Variants in VASH2 observed in about 807,000 individuals in gnomAD.
VASH2 encodes vasohibin 2.
In VASH2, 28 loss-of-function variants were observed where a neutral mutation model predicts 37.2. That is an observed-to-expected ratio of 0.75 (90% CI 0.56 to 1.03). The LOEUF (loss-of-function observed/expected upper bound fraction) is 1.03. VASH2 is among the 50% of genes least tolerant of loss of function. VASH2 has a pLI of 0.00. For synonymous variants in VASH2, 188 were observed against 174.7 expected (o/e 1.08, Z -0.60); for missense variants, 419 against 459.1 (o/e 0.91, Z 0.80).
At chr1:212,963,767 T>A (rs1286043399) in intron 3 of VASH2, among the ~76,000 whole-genome samples, 2 of 147,230 alleles carry the variant, frequency 1.4e-5, no homozygotes, top group Non-Finnish European at 3.0e-5. Flanking sequence ...TCAGGTACAC[T>A]TTTTTTTTTT....
At chr1:212,969,745 G>A (rs907198283) in intron 5 of VASH2, among the ~76,000 whole-genome samples, 1 of 152,148 alleles carries the variant, frequency 6.6e-6, no homozygotes, top group Non-Finnish European at 1.5e-5. Context: ...CTTTCCACTC[G>A]GGGATAGTGA....
chr1:212,972,506 A>C (rs749894643), intron 5 of VASH2, 74 bp from the exon 6 acceptor site: 5 of 1,566,700 alleles, frequency 3.2e-6, no homozygotes, highest in Non-Finnish European at 4.3e-6. Flanking sequence ...ACCCTGAGAC[A>C]CTTTCCCTTC....
intron 7 of VASH2, among the ~76,000 whole-genome samples, chr1:212,985,570 T>G (rs1453192278): frequency 1.3e-5 from 2 of 151,948 alleles, no homozygotes; most frequent in Admixed American, 6.6e-5. Context: ...GAATGCGCCA[T>G]CATACCCGGC....
At chr1:212,986,153 T>C (rs895124013) in intron 7 of VASH2, among the ~76,000 whole-genome samples, 3 of 152,202 alleles carry the variant, frequency 2.0e-5, no homozygotes, top group East Asian at 3.8e-4. Context: ...ATGGAAATAA[T>C]ATTTTACTAG....
chr1:212,965,542 A>T (rs1666815346), intron 3 of VASH2, among the ~76,000 whole-genome samples, 180 bp from the exon 4 acceptor site: 1 of 152,168 alleles, frequency 6.6e-6, no homozygotes, highest in East Asian at 1.9e-4. Flanking sequence ...TAGAAATTAG[A>T]TTTCCAGGGC....
intron 2 of VASH2, among the ~76,000 whole-genome samples, chr1:212,959,142 A>G (rs1263905652): frequency 5.9e-5 from 9 of 152,186 alleles, no homozygotes; most frequent in Non-Finnish European, 4.4e-5. Context: ...TGCTAAAGAC[A>G]TACTTGTTCA....
In VASH2 at chr1:212,983,573, G is replaced by A. The variant is rs541462546; in HGVS notation, c.996-4939G>A. 6.6e-5 allele frequency among the ~76,000 whole-genome samples: 10 copies of A among 152,284 alleles called. No individual in the cohort carries two copies. In the South Asian group the frequency reaches 1.9e-3, roughly 28 times the overall value. On this transcript the variant is annotated intron_variant, in intron 7 of 7. Transcript: ENST00000517399. ...TCCCAACCCCACTGCACCGAGGATCGAGTTTCCAAACCCATGAACTTTTGG... is the reference window on the plus strand; with the variant it reads ...TCCCAACCCCACTGCACCGAGGATCAAGTTTCCAAACCCATGAACTTTTGG...
At chr1:212,973,737 A>G (rs1667090214) in intron 6 of VASH2, 3 of 1,339,034 alleles carry the variant, frequency 2.2e-6, no homozygotes, top group Admixed American at 3.1e-5. Flanking sequence ...GACCATCTGT[A>G]TATCTGTCTT....
At chr1:212,967,305 G>A in intron 5 of VASH2, 1 of 1,249,124 alleles carries the variant, frequency 8.0e-7, no homozygotes, top group Non-Finnish European at 1.0e-6. Flanking sequence ...CGAGCATCAT[G>A]CCATTGGAAT....
chr1:212,958,817 C>T (rs1198328637), intron 2 of VASH2, among the ~76,000 whole-genome samples: 1 of 152,050 alleles, frequency 6.6e-6, no homozygotes, highest in Non-Finnish European at 1.5e-5. Flanking sequence ...GGGCTCAAGC[C>T]ATCTTCCTAC....
At chr1:212,960,554 A>G (rs1666642624) in intron 2 of VASH2, among the ~76,000 whole-genome samples, 1 of 152,072 alleles carries the variant, frequency 6.6e-6, no homozygotes, top group South Asian at 2.1e-4. Flanking sequence ...CACTTTATTT[A>G]TTTATCTATT....
At chr1:212,976,510 C>T (rs977808869) in intron 7 of VASH2, among the ~76,000 whole-genome samples, 2 of 151,212 alleles carry the variant, frequency 1.3e-5, no homozygotes, top group Non-Finnish European at 1.5e-5. Context: ...TTGAGCCTGG[C>T]GTTTCAAGCC....
chr1:212,972,637 C>T lies in VASH2; in HGVS notation c.555C>T (p.Tyr185=), dbSNP rs896592692. 2 of 1,614,208 alleles carry T rather than the reference C, an allele frequency of 1.2e-6. No individual in the cohort carries two copies. Among genetic ancestry groups the T allele is most frequent in the Non-Finnish European group, 1.7e-6 (2 of 1,180,046 alleles). ...IERFPISFKT[Y]FSGNYFHHVV... ...GGTTCCCCATCAGCTTTAAAACCTA[C>T]TTCTCAGGAAACTACTTTCACCACG... The change falls in exon 6 of 8, where the codon TAC becomes TAT. Residue 185 remains tyrosine (Y), a synonymous_variant. Transcript: ENST00000517399.
intron 2 of VASH2, among the ~76,000 whole-genome samples, chr1:212,954,428 C>T (rs768653498): frequency 6.6e-6 from 1 of 151,724 alleles, no homozygotes; most frequent in Non-Finnish European, 1.5e-5. Context: ...GAAAGTGTTA[C>T]CTTTTCTTTT....
intron 5 of VASH2, 35 bp from the exon 6 acceptor site, chr1:212,972,545 G>A (rs757906843): frequency 1.3e-6 from 2 of 1,590,598 alleles, no homozygotes; most frequent in South Asian, 2.3e-5. Context: ...AATTTTCAAG[G>A]CCTCCTTTCT....
intron 3 of VASH2, 163 bp downstream of exon 3, chr1:212,961,417 G>A (rs201684444): frequency 4.6e-5 from 67 of 1,452,914 alleles, no homozygotes; most frequent in South Asian, 7.0e-5. Flanking sequence ...AAGAGTGTGC[G>A]TGGAGGTTGT....
chr1:212,978,479 A>T (rs545386129), intron 7 of VASH2, among the ~76,000 whole-genome samples: 2 of 152,306 alleles, frequency 1.3e-5, no homozygotes, highest in Non-Finnish European at 2.9e-5. Flanking sequence ...CCACGCCCCA[A>T]AGTCGATCCC....
chr1:212,990,993 T>C lies in VASH2; in HGVS notation c.*2409T>C, dbSNP rs551278449. On this transcript the variant is annotated 3_prime_UTR_variant, in exon 8 of 8. Transcript: ENST00000517399. ...TTAAGACTGGCTAGAATTCAAAATA[T>C]AAAAAATAAAACTATGAAGTGATTT... The C allele has an allele frequency of 3.0e-4, 45 of 152,284 alleles. No homozygotes were observed. Among genetic ancestry groups the C allele is most frequent in the African/African-American group, 9.6e-4 (40 of 41,568 alleles). 9.4% of individuals were successfully genotyped at this position (152,284 alleles called of 1,614,324 possible).
At chr1:212,960,329 G>A (rs1461798098) in intron 2 of VASH2, among the ~76,000 whole-genome samples, 1 of 151,898 alleles carries the variant, frequency 6.6e-6, no homozygotes, top group Non-Finnish European at 1.5e-5. Flanking sequence ...GGAAGTGAGT[G>A]TGTTGGTGGA....
Sources: gnomAD v4.1 joint callset for allele counts (sites outside exome capture counted in the v4.1 genomes callset) on GRCh38, gnomAD v4.1.1 for gene constraint, MANE v1.5 for transcripts, NCBI Gene and HGNC (gene_info 2026-07-23, HGNC 2026-07-21) for gene names.